LRP6: variants seen among roughly 807,000 people sequenced by gnomAD.
LRP6 encodes LDL receptor related protein 6.
In LRP6, 43 loss-of-function variants were observed where a neutral mutation model predicts 184.1. That is an observed-to-expected ratio of 0.23 (90% CI 0.18 to 0.30). The LOEUF (loss-of-function observed/expected upper bound fraction) is 0.30. Among genes scored for constraint, LRP6 ranks in the 10% least tolerant of loss-of-function variants. The pLI is 1.00. For missense variants in LRP6, 1,571 were observed against 2,005.3 expected (o/e 0.78, Z 4.14); for synonymous variants, 719 against 684.9 (o/e 1.05, Z -0.78).
At chr12:12,217,403 G>A (rs1371719409) in intron 2 of LRP6, among the ~76,000 whole-genome samples, 1 of 151,880 alleles carries the variant, frequency 6.6e-6, no homozygotes, top group African/African-American at 2.4e-5. Context: ...CTACATTATG[G>A]TGAGTTATAT....
At chr12:12,212,746 G>C (rs1285200943) in intron 2 of LRP6, among the ~76,000 whole-genome samples, 2 of 152,094 alleles carry the variant, frequency 1.3e-5, no homozygotes, top group African/African-American at 4.8e-5. Context: ...GTCTCATAGA[G>C]AGAATTTTAT....
rs1248630517 is a variant in LRP6 at position 12,164,259 on chromosome 12, A to G, written c.2052+14T>C. The G allele has an allele frequency of 1.2e-6, 2 of 1,612,356 alleles. No individual in the cohort carries two copies. Among genetic ancestry groups the G allele is most frequent in the Non-Finnish European group, 1.7e-6 (2 of 1,179,370 alleles). ...TTTAGTCCCTAGCTTTAATATTCCAATTCTTTTGCTAACCTTGAGTGATAT... is the reference window on the plus strand; with the variant it reads ...TTTAGTCCCTAGCTTTAATATTCCAGTTCTTTTGCTAACCTTGAGTGATAT... On this transcript the variant is annotated intron_variant, in intron 9 of 22. Transcript: ENST00000261349.
At position 12,132,065 on chromosome 12, in the gene LRP6, T is replaced by C; in HGVS notation, c.3734-8A>G. 1.3e-6 allele frequency: 2 copies of C among 1,592,894 alleles called. No homozygotes were observed. Among genetic ancestry groups the C allele is most frequent in the Non-Finnish European group, 8.6e-7 (1 of 1,160,724 alleles). Reference sequence around the variant, plus strand: ...GAGAACATGTTGGAGGTTCTTCAAATGAACAAGGAGAAGGGGAGTGACAAA... The same window carrying C: ...GAGAACATGTTGGAGGTTCTTCAAACGAACAAGGAGAAGGGGAGTGACAAA... On this transcript the variant is annotated splice_region_variant and splice_polypyrimidine_tract_variant and intron_variant, in intron 17 of 22. Coordinates refer to ENST00000261349, the MANE Select transcript of LRP6 (RefSeq NM_002336.3).
intron 2 of LRP6, among the ~76,000 whole-genome samples, chr12:12,213,761 T>C (rs879944314): frequency 1.3e-5 from 2 of 152,110 alleles, no homozygotes; most frequent in East Asian, 3.8e-4. Context: ...ACTCCTTTTA[T>C]CACGTTACAA....
intron 15 of LRP6, 198 bp from the exon 16 acceptor site, chr12:12,138,732 A>G: frequency 6.9e-7 from 1 of 1,442,376 alleles, no homozygotes; most frequent in Non-Finnish European, 9.3e-7. Context: ...TATGCAATCA[A>G]GAGCAAGTAA....
intron 7 of LRP6, among the ~76,000 whole-genome samples, chr12:12,175,554 G>C (rs1296651134): frequency 6.6e-6 from 1 of 151,808 alleles, no homozygotes; most frequent in Non-Finnish European, 1.5e-5. Flanking sequence ...AAGCGTGGTA[G>C]CAGACGCCTG....
chr12:12,125,745 G>T (rs189592995), intron 20 of LRP6, among the ~76,000 whole-genome samples: 1 of 152,242 alleles, frequency 6.6e-6, no homozygotes, highest in Non-Finnish European at 1.5e-5. Context: ...TGAAAGGATT[G>T]TAAAGGGTAG....
chr12:12,155,523 GAATT>G (rs1214949520), intron 12 of LRP6: 1 of 766,332 alleles, frequency 1.3e-6, no homozygotes, highest in Non-Finnish European at 2.3e-6. Context: ...CTTGCCAACA[GAATT>G]AATATGCATA....
chr12:12,130,719 C>A lies in LRP6; in HGVS notation c.4081+64G>T, dbSNP rs1473209248. ...GAAATCTCGATAAGTAAACCTCACA[C>A]ATAAGAAAAAAAATTGTTTAAATTC... On this transcript the variant is annotated intron_variant, in intron 19 of 22. Transcript: ENST00000261349. The A allele has an allele frequency of 1.9e-5, 19 of 975,820 alleles. No homozygotes were observed. In the East Asian group the frequency reaches 4.2e-4, roughly 22 times the overall value. 60.4% of individuals were successfully genotyped at this position (975,820 alleles called of 1,614,324 possible).
At chr12:12,205,172 T>C (rs1403563225) in intron 2 of LRP6, among the ~76,000 whole-genome samples, 4 of 148,690 alleles carry the variant, frequency 2.7e-5, no homozygotes, top group Non-Finnish European at 6.0e-5. Context: ...CTACTAAAAC[T>C]ACAAAAATCA....
Position 12,190,049 on chromosome 12 carries a change from A to G in LRP6, c.648-2930T>C, listed in dbSNP as rs534242698. Among the ~76,000 whole-genome samples, 169 of 152,326 alleles carry G rather than the reference A, an allele frequency of 1.1e-3. 4 individuals carry two copies. The South Asian group carries it at 0.022, about 20-fold the overall frequency. On this transcript the variant is annotated intron_variant, in intron 3 of 22. Transcript: ENST00000261349. ...GGCAGACTTACTAAACACTCTGGGG[A>G]TGCTTGATAAAATTAAATGTTTTTA...
At chr12:12,260,230 T>A (rs1405852919) in intron 1 of LRP6, among the ~76,000 whole-genome samples, 1 of 151,862 alleles carries the variant, frequency 6.6e-6, no homozygotes, top group Non-Finnish European at 1.5e-5. Context: ...ACAAAAAAAA[T>A]TAGCCGGGCG....
chr12:12,184,541 G>A (rs188521121), intron 4 of LRP6, among the ~76,000 whole-genome samples: 150 of 152,300 alleles, frequency 9.8e-4, no homozygotes, highest in African/African-American at 3.4e-3. Flanking sequence ...AGCCTTCAAG[G>A]ATAGGAAGGA....
chr12:12,131,778 G>GAA (rs1375099277), intron 18 of LRP6, 43 bp downstream of exon 18: 2 of 1,538,058 alleles, frequency 1.3e-6, no homozygotes, highest in Non-Finnish European at 1.8e-6. Flanking sequence ...AACTGAATGG[G>GAA]AAAAAAGGAT....
intron 2 of LRP6, among the ~76,000 whole-genome samples, chr12:12,241,089 C>T (rs545375957): frequency 1.3e-5 from 2 of 152,298 alleles, no homozygotes; most frequent in African/African-American, 2.4e-5. Flanking sequence ...GAACTCCATA[C>T]ATCCGAAAGC....
At chr12:12,148,263 TAG>T (rs1376931886) in intron 14 of LRP6, among the ~76,000 whole-genome samples, 5 of 152,044 alleles carry the variant, frequency 3.3e-5, no homozygotes, top group Admixed American at 2.6e-4. Flanking sequence ...GATCAGTGAC[TAG>T]AGAGACCTTA....
intron 9 of LRP6, among the ~76,000 whole-genome samples, chr12:12,162,744 G>C (rs1206927772): frequency 6.6e-6 from 1 of 152,192 alleles, no homozygotes; most frequent in African/African-American, 2.4e-5. Flanking sequence ...CAATGCTACA[G>C]ATCTTAATTA....
At chr12:12,262,886 C>G (rs1865654092) in intron 1 of LRP6, among the ~76,000 whole-genome samples, 1 of 152,108 alleles carries the variant, frequency 6.6e-6, no homozygotes, top group Non-Finnish European at 1.5e-5. Context: ...TACAGTATCT[C>G]TGAATCTGAG....
intron 2 of LRP6, among the ~76,000 whole-genome samples, chr12:12,225,170 G>A (rs184083402): frequency 3.3e-5 from 5 of 152,106 alleles, no homozygotes; most frequent in East Asian, 1.9e-4. Flanking sequence ...CCAAAATCAC[G>A]CCACTGCACT....
Sources: allele counts gnomAD v4.1 joint callset (sites outside exome capture counted in the v4.1 genomes callset), GRCh38; gene constraint gnomAD v4.1.1; transcripts MANE v1.5; gene names NCBI Gene and HGNC (gene_info 2026-07-23, HGNC 2026-07-21).